Variants in PTPRD observed in about 807,000 individuals in gnomAD.
PTPRD encodes the protein receptor-type tyrosine-protein phosphatase delta.
A neutral mutation model predicts 214.5 loss-of-function variants in PTPRD; 34 were observed. The ratio of observed to expected loss-of-function variants is 0.16; its 90% CI spans 0.12 to 0.21. The LOEUF (loss-of-function observed/expected upper bound fraction) is 0.21. Ranked by LOEUF, PTPRD falls within the 10% of genes least tolerant of loss-of-function variation. The pLI, the probability that PTPRD is intolerant of heterozygous loss-of-function variation, is 1.00. For missense variants in PTPRD, 2,545 were observed against 2,398.7 expected (o/e 1.06, Z -1.27); for synonymous variants, 1,128 against 845.7 (o/e 1.33, Z -5.79).
intron 11 of PTPRD, among the ~76,000 whole-genome samples, chr9:8,806,133 C>T (rs1345193117): frequency 6.6e-6 from 1 of 151,454 alleles, no homozygotes; most frequent in African/African-American, 2.4e-5. Flanking sequence ...TCATGTTGGC[C>T]AGGCTGGTCT....
At chr9:9,134,229 C>T (rs1044548208) in intron 10 of PTPRD, among the ~76,000 whole-genome samples, 3 of 148,068 alleles carry the variant, frequency 2.0e-5, no homozygotes, top group East Asian at 2.0e-4. Context: ...CCCGCCACCA[C>T]GCCCGGCTAA....
intron 9 of PTPRD, among the ~76,000 whole-genome samples, chr9:9,213,976 G>A (rs2099950500): frequency 6.6e-6 from 1 of 151,146 alleles, no homozygotes; most frequent in African/African-American, 2.4e-5. Flanking sequence ...TTTTCTTACT[G>A]GGCATGATAA....
At chr9:9,410,458 C>A (rs1360735961) in intron 8 of PTPRD, among the ~76,000 whole-genome samples, 1 of 152,200 alleles carries the variant, frequency 6.6e-6, no homozygotes, top group East Asian at 1.9e-4. Context: ...CTTTCCATGT[C>A]TCCCTTTCCC....
At chr9:8,596,761 T>A (rs898446210) in intron 14 of PTPRD, among the ~76,000 whole-genome samples, 4 of 152,126 alleles carry the variant, frequency 2.6e-5, no homozygotes, top group Non-Finnish European at 4.4e-5. Context: ...TATTTAATCC[T>A]TATCTAAGCT....
intron 10 of PTPRD, among the ~76,000 whole-genome samples, chr9:9,127,703 G>C (rs1262900455): frequency 6.6e-6 from 1 of 152,048 alleles, no homozygotes; most frequent in Non-Finnish European, 1.5e-5. Context: ...CAAGACGGGA[G>C]GTGTAAATTT....
intron 5 of PTPRD, among the ~76,000 whole-genome samples, chr9:9,923,672 G>A (rs374699710): frequency 2.0e-5 from 3 of 152,078 alleles, no homozygotes; most frequent in African/African-American, 4.8e-5. Flanking sequence ...TTGTGAGCAA[G>A]AATAATCTTC....
chr9:9,540,944 T>C (rs1174553640), intron 8 of PTPRD, among the ~76,000 whole-genome samples: 1 of 151,824 alleles, frequency 6.6e-6, no homozygotes. Context: ...TAAAAGACTG[T>C]AGATTTCTTT....
chr9:8,934,528 T>TAC (rs2098983343), intron 11 of PTPRD, among the ~76,000 whole-genome samples: 1 of 109,320 alleles, frequency 9.1e-6, no homozygotes. Flanking sequence ...TAAATATATA[T>TAC]ATATATGGGA....
chr9:10,368,507 C>T (rs755454193), intron 2 of PTPRD, among the ~76,000 whole-genome samples: 3 of 151,844 alleles, frequency 2.0e-5, no homozygotes, highest in Non-Finnish European at 4.4e-5. Flanking sequence ...TTGTTTAAAT[C>T]GATAAATTAG....
intron 2 of PTPRD, among the ~76,000 whole-genome samples, chr9:10,382,330 T>C (rs190358548): frequency 1.3e-5 from 2 of 152,094 alleles, no homozygotes; most frequent in South Asian, 2.1e-4. Context: ...GTCTAGCTTA[T>C]TGAATTATTT....
rs534063181 is a variant in PTPRD at position 9,764,339 on chromosome 9, T to C, written c.-326+2471A>G. Among the ~76,000 whole-genome samples the C allele has an allele frequency of 2.6e-5, 4 of 152,340 alleles. No individual in the cohort carries two copies. In the East Asian group the frequency reaches 7.7e-4, roughly 29 times the overall value. On this transcript the variant is annotated intron_variant, in intron 6 of 45. Coordinates refer to ENST00000381196, the MANE Select transcript of PTPRD (RefSeq NM_002839.4). ...AAATCAAATGCATTCAAAATATGCT[T>C]GTGCAACATGAAGACCCCTTATGTA...
intron 3 of PTPRD, among the ~76,000 whole-genome samples, chr9:10,114,221 C>T (rs1297858030): frequency 6.6e-6 from 1 of 152,076 alleles, no homozygotes; most frequent in Non-Finnish European, 1.5e-5. Flanking sequence ...TATTATGTGC[C>T]TTTATAGAGT....
At chr9:10,541,024 A>C (rs763226039) in intron 2 of PTPRD, among the ~76,000 whole-genome samples, 1 of 152,190 alleles carries the variant, frequency 6.6e-6, no homozygotes, top group Non-Finnish European at 1.5e-5. Flanking sequence ...ATCAAGTAAA[A>C]AAAGAAACCA....
At chr9:8,597,124 T>C (rs1337975896) in intron 14 of PTPRD, among the ~76,000 whole-genome samples, 2 of 152,150 alleles carry the variant, frequency 1.3e-5, no homozygotes, top group African/African-American at 4.8e-5. Flanking sequence ...CATTATCAAT[T>C]CTGCCTTTTC....
chr9:9,371,178 A>T (rs1180350437), intron 9 of PTPRD, among the ~76,000 whole-genome samples: 1 of 152,148 alleles, frequency 6.6e-6, no homozygotes, highest in Admixed American at 6.6e-5. Context: ...TAATAGTTTC[A>T]GAAGGAATGG....
intron 39 of PTPRD, among the ~76,000 whole-genome samples, chr9:8,375,392 C>G (rs952538469): frequency 3.9e-5 from 6 of 151,930 alleles, no homozygotes; most frequent in African/African-American, 1.4e-4. Context: ...AATTATAGAA[C>G]TTGTATATAT....
chr9:8,376,248 A>C (rs966374303), intron 38 of PTPRD, among the ~76,000 whole-genome samples, 158 bp from the exon 39 acceptor site: 2 of 152,110 alleles, frequency 1.3e-5, no homozygotes, highest in African/African-American at 4.8e-5. Context: ...AGAAACCCCA[A>C]GCTATTTGTA....
At chr9:10,480,338 A>G (rs2099089700) in intron 2 of PTPRD, among the ~76,000 whole-genome samples, 1 of 152,192 alleles carries the variant, frequency 6.6e-6, no homozygotes, top group African/African-American at 2.4e-5. Context: ...AATAAAGACC[A>G]TCATATTCCC....
chr9:8,788,045 T>G (rs565559593), intron 11 of PTPRD, among the ~76,000 whole-genome samples: 38 of 152,298 alleles, frequency 2.5e-4, no homozygotes, highest in Non-Finnish European at 5.0e-4. Context: ...TACTTACTTT[T>G]GTGAAAATGT....
Sources: gnomAD v4.1 joint callset for allele counts (sites outside exome capture counted in the v4.1 genomes callset) on GRCh38, gnomAD v4.1.1 for gene constraint, MANE v1.5 for transcripts, NCBI Gene and HGNC (gene_info 2026-07-23, HGNC 2026-07-21) for gene names.